The following STK3 variants were observed in gnomAD, a reference collection of about 807,000 sequenced individuals.
The protein encoded by STK3 is serine/threonine kinase 3.
A neutral mutation model predicts 58.0 loss-of-function variants in STK3; 41 were observed. That is an observed-to-expected ratio of 0.71 (90% CI 0.55 to 0.92). The LOEUF is 0.92. STK3 is among the 40% of genes least tolerant of loss of function. STK3 has a pLI of 0.00. For missense variants in STK3, 479 were observed against 602.7 expected (o/e 0.79, Z 2.15); for synonymous variants, 170 against 191.0 (o/e 0.89, Z 0.91).
intron 6 of STK3, among the ~76,000 whole-genome samples, chr8:98,692,619 T>C (rs1386672050): frequency 6.6e-6 from 1 of 152,136 alleles, no homozygotes; most frequent in Non-Finnish European, 1.5e-5. Flanking sequence ...TTTGAGATAA[T>C]TAAAAAATTT....
chr8:98,732,725 A>C (rs1450058197), intron 4 of STK3, among the ~76,000 whole-genome samples: 1 of 152,208 alleles, frequency 6.6e-6, no homozygotes, highest in Non-Finnish European at 1.5e-5. Context: ...AACAGACCTC[A>C]AAGCAATAAG....
At chr8:98,693,331 G>C (rs924650019) in intron 6 of STK3, among the ~76,000 whole-genome samples, 1 of 152,008 alleles carries the variant, frequency 6.6e-6, no homozygotes, top group Non-Finnish European at 1.5e-5. Flanking sequence ...CCAGGAATTC[G>C]AGGCTGCAAT....
chr8:98,857,626 AGCATTT>A (rs1299768015), intron 3 of STK3, among the ~76,000 whole-genome samples: 1 of 152,246 alleles, frequency 6.6e-6, no homozygotes, highest in East Asian at 1.9e-4. Context: ...AAGAGTTACT[AGCATTT>A]CAAGTTCTTA....
chr8:98,594,102 G>T (rs1050513596), intron 7 of STK3, among the ~76,000 whole-genome samples: 6 of 152,148 alleles, frequency 3.9e-5, no homozygotes, highest in African/African-American at 1.2e-4. Context: ...GAGCCCAGGA[G>T]TTCGAGACTA....
chr8:98,794,663 C>T (rs952486197), intron 1 of STK3, among the ~76,000 whole-genome samples: 54 of 152,108 alleles, frequency 3.6e-4, no homozygotes, highest in African/African-American at 1.2e-3. Context: ...GCAACTCATT[C>T]GAAGGATGCA....
intron 3 of STK3, chr8:98,430,515 C>G (rs1475619764): frequency 6.0e-6 from 1 of 166,880 alleles, no homozygotes; most frequent in East Asian, 1.9e-4. Flanking sequence ...AAATGAGAGC[C>G]CTTTTATTTC....
intron 6 of STK3, among the ~76,000 whole-genome samples, chr8:98,681,903 C>T (rs768336776): frequency 3.3e-5 from 5 of 152,166 alleles, no homozygotes; most frequent in East Asian, 1.9e-4. Context: ...TAAATGCAGT[C>T]GACAAGGAAA....
At chr8:98,369,737 C>T (rs1437288314), downstream of STK3, among the ~76,000 whole-genome samples, 22 of 152,156 alleles carry the variant, frequency 1.4e-4, no homozygotes, top group African/African-American at 7.2e-5. Flanking sequence ...TCCATGGAGA[C>T]GGGAAGTACC....
chr8:98,825,398 G>T (rs1835188827), intron 1 of STK3, 117 bp downstream of exon 1: 1 of 974,548 alleles, frequency 1.0e-6, no homozygotes. Flanking sequence ...ACCTCAGCGC[G>T]CCCGGCTCGG....
the STK3 span, among the ~76,000 whole-genome samples, chr8:98,347,439 C>T: frequency 8.6e-5 from 13 of 151,360 alleles, no homozygotes; most frequent in South Asian, 1.3e-3. Flanking sequence ...GGCGTGAACC[C>T]AGGAGGCAGA....
intron 7 of STK3, among the ~76,000 whole-genome samples, chr8:98,581,253 G>A (rs1017615342): frequency 1.3e-5 from 2 of 152,180 alleles, no homozygotes; most frequent in African/African-American, 4.8e-5. Context: ...TACTGGTACT[G>A]TGGGAAGTAG....
intron 1 of STK3, among the ~76,000 whole-genome samples, chr8:98,816,559 G>A (rs1310137769): frequency 1.3e-5 from 2 of 151,756 alleles, no homozygotes; most frequent in East Asian, 3.9e-4. Context: ...TAGAGACAGT[G>A]TTTCCCTCTT....
chr8:98,924,432 T>C (rs1040511543), intron 1 of STK3, among the ~76,000 whole-genome samples: 2 of 152,222 alleles, frequency 1.3e-5, no homozygotes, highest in Non-Finnish European at 2.9e-5. Context: ...GTACAGTTTA[T>C]TTCTATGGGC....
intron 6 of STK3, among the ~76,000 whole-genome samples, chr8:98,620,523 A>T (rs969758138): frequency 6.6e-6 from 1 of 150,946 alleles, no homozygotes; most frequent in Non-Finnish European, 1.5e-5. Flanking sequence ...TCAAAAAAAA[A>T]AAGAAGATGT....
intron 1 of STK3, chr8:98,905,293 C>A (rs904755932): frequency 8.4e-6 from 7 of 829,854 alleles, no homozygotes; most frequent in South Asian, 1.4e-5. Context: ...GGTCTCACTG[C>A]GTCCTCTGAC....
intron 3 of STK3, among the ~76,000 whole-genome samples, chr8:98,858,323 T>TATATATATATATAGAG (rs1189807446): frequency 9.8e-4 from 16 of 16,272 alleles, no homozygotes; most frequent in African/African-American, 1.4e-3. Context: ...TATATATATA[T>TATATATATATATAGAG]AGAGAGAGAG....
chr8:98,777,147 G>A (rs866122096), intron 1 of STK3, among the ~76,000 whole-genome samples: 1 of 152,196 alleles, frequency 6.6e-6, no homozygotes, highest in Admixed American at 6.5e-5. Context: ...TTCAGAGTCT[G>A]TCAGTAAGTT....
At chr8:98,625,269 T>G (rs1030647371) in intron 6 of STK3, among the ~76,000 whole-genome samples, 5 of 152,168 alleles carry the variant, frequency 3.3e-5, no homozygotes, top group African/African-American at 1.2e-4. Flanking sequence ...CCACTTCCAC[T>G]GTACCCTCTC....
chr8:98,562,232 T>C (rs1347871888), intron 8 of STK3, among the ~76,000 whole-genome samples: 3 of 152,172 alleles, frequency 2.0e-5, no homozygotes, highest in Non-Finnish European at 4.4e-5. Flanking sequence ...CTTTATTTAT[T>C]GATAACTGCC....
Sources: allele counts gnomAD v4.1 joint callset (sites outside exome capture counted in the v4.1 genomes callset), GRCh38; gene constraint gnomAD v4.1.1; transcripts MANE v1.5; gene names NCBI Gene and HGNC (gene_info 2026-07-23, HGNC 2026-07-21).